Variants in TENM4 observed in about 807,000 individuals in gnomAD.
The protein encoded by TENM4 is teneurin transmembrane protein 4.
A neutral mutation model predicts 243.3 loss-of-function variants in TENM4; 82 were observed. The ratio of observed to expected loss-of-function variants is 0.34; its 90% confidence interval spans 0.28 to 0.40. The LOEUF (loss-of-function observed/expected upper bound fraction) is 0.40. Among genes scored for constraint, TENM4 ranks in the 10% least tolerant of loss-of-function variants. The probability of loss-of-function intolerance (pLI) is 1.00; values close to 1 mark genes in which losing one functional copy is unlikely to be tolerated. For synonymous variants in TENM4, 1,412 were observed against 1,456.3 expected, an observed-to-expected ratio of 0.97 and a Z score of 0.69; for missense variants, 3,138 against 3,673.3, an observed-to-expected ratio of 0.85 and a Z score of 3.77.
At chr11:79,175,776 A>C (rs1307838236) in intron 3 of TENM4, among the ~76,000 whole-genome samples, 1 of 152,204 alleles carries the variant, frequency 6.6e-6, no homozygotes, top group Non-Finnish European at 1.5e-5. Flanking sequence ...TGATGAGGAA[A>C]TATCACAATA....
chr11:79,018,055 G>C (rs1020013498), intron 6 of TENM4, among the ~76,000 whole-genome samples: 1 of 152,180 alleles, frequency 6.6e-6, no homozygotes, highest in African/African-American at 2.4e-5. Flanking sequence ...TCAAGCTGGG[G>C]AGGAGGGCTG....
At chr11:79,050,862 C>T (rs1446793828) in intron 6 of TENM4, among the ~76,000 whole-genome samples, 1 of 152,160 alleles carries the variant, frequency 6.6e-6, no homozygotes, top group Non-Finnish European at 1.5e-5. Context: ...GAGAAAGTGG[C>T]CTGAAGAAAA....
At chr11:78,763,578 A>T (rs1856477975) in intron 18 of TENM4, among the ~76,000 whole-genome samples, 1 of 152,170 alleles carries the variant, frequency 6.6e-6, no homozygotes, top group Non-Finnish European at 1.5e-5. Context: ...TCTCACTGAG[A>T]TCCCTCTTTG....
At chr11:79,366,624 A>G (rs932038593) in intron 1 of TENM4, among the ~76,000 whole-genome samples, 1 of 152,200 alleles carries the variant, frequency 6.6e-6, no homozygotes, top group African/African-American at 2.4e-5. Context: ...CTCTTTGGGC[A>G]CTAACATTAG....
At chr11:79,433,047 G>A (rs563928408) in intron 1 of TENM4, among the ~76,000 whole-genome samples, 1 of 152,196 alleles carries the variant, frequency 6.6e-6, no homozygotes, top group South Asian at 2.1e-4. Flanking sequence ...CACTGTTTGT[G>A]GAAATAAAGA....
chr11:78,746,007 C>A (rs1468074241), intron 19 of TENM4, among the ~76,000 whole-genome samples: 1 of 152,124 alleles, frequency 6.6e-6, no homozygotes, highest in South Asian at 2.1e-4. Context: ...AGCTGGAGTG[C>A]AGTGGCATGA....
At chr11:78,934,712 A>G (rs889003142) in intron 6 of TENM4, among the ~76,000 whole-genome samples, 1 of 152,206 alleles carries the variant, frequency 6.6e-6, no homozygotes, top group Non-Finnish European at 1.5e-5. Context: ...CTGCTTTTAT[A>G]TTAGTTCATA....
At chr11:79,011,134 T>C (rs1156306389) in intron 6 of TENM4, among the ~76,000 whole-genome samples, 2 of 152,210 alleles carry the variant, frequency 1.3e-5, no homozygotes, top group African/African-American at 4.8e-5. Context: ...ATGTATGCTT[T>C]AGAAAAGGAA....
At chr11:79,062,022 T>G (rs1274582654) in intron 6 of TENM4, among the ~76,000 whole-genome samples, 4 of 150,136 alleles carry the variant, frequency 2.7e-5, no homozygotes, top group African/African-American at 9.8e-5. Context: ...AGTGCAGTGG[T>G]GCAATCTTGG....
At chr11:78,964,882 AT>A (rs971985713) in intron 6 of TENM4, among the ~76,000 whole-genome samples, 3 of 151,206 alleles carry the variant, frequency 2.0e-5, no homozygotes, top group East Asian at 1.9e-4. Context: ...GTAATTTTTA[AT>A]TTTTTTTTGA....
At chr11:79,007,444 C>T (rs1179956127) in intron 6 of TENM4, among the ~76,000 whole-genome samples, 1 of 152,150 alleles carries the variant, frequency 6.6e-6, no homozygotes, top group Non-Finnish European at 1.5e-5. Flanking sequence ...GTGTAGAACA[C>T]AGGCCTCTTG....
chr11:79,362,802 G>A (rs1029600364), intron 1 of TENM4, among the ~76,000 whole-genome samples: 1 of 152,254 alleles, frequency 6.6e-6, no homozygotes, highest in Admixed American at 6.5e-5. Flanking sequence ...CCATGGGAGT[G>A]TTGGAGGATT....
chr11:78,844,988 T>G (rs1207264513), intron 12 of TENM4, among the ~76,000 whole-genome samples: 1 of 152,192 alleles, frequency 6.6e-6, no homozygotes, highest in African/African-American at 2.4e-5. Flanking sequence ...AATAATTATT[T>G]GTACACTGCT....
chr11:78,776,427 G>A (rs918183874), intron 17 of TENM4, among the ~76,000 whole-genome samples: 1 of 152,080 alleles, frequency 6.6e-6, no homozygotes, highest in Non-Finnish European at 1.5e-5. Context: ...TTGAGAGCAG[G>A]GACCATATCT....
chr11:79,037,011 A>G (rs1189080329), intron 6 of TENM4, among the ~76,000 whole-genome samples: 2 of 89,946 alleles, frequency 2.2e-5, no homozygotes, highest in Admixed American at 3.1e-4. Flanking sequence ...ACAAGACTCC[A>G]TCTCAAAAAA....
chr11:79,100,149 G>A (rs1161334162), intron 4 of TENM4, among the ~76,000 whole-genome samples: 1 of 152,074 alleles, frequency 6.6e-6, no homozygotes, highest in Non-Finnish European at 1.5e-5. Context: ...CAAATCATAG[G>A]GTTTCCGTAA....
chr11:78,978,394 A>T (rs1249846896), intron 6 of TENM4, among the ~76,000 whole-genome samples: 1 of 149,654 alleles, frequency 6.7e-6, no homozygotes, highest in East Asian at 1.9e-4. Context: ...AGAAAAGAAA[A>T]GAAAAGGAGC....
intron 3 of TENM4, among the ~76,000 whole-genome samples, chr11:79,188,661 T>G (rs1590778228): frequency 9.6e-5 from 12 of 125,276 alleles, no homozygotes; most frequent in East Asian, 4.6e-4. Flanking sequence ...AGAAGAGAAG[T>G]GAGGATGGGG....
chr11:78,960,310 T>C (rs1261065158), intron 6 of TENM4, among the ~76,000 whole-genome samples: 3 of 150,578 alleles, frequency 2.0e-5, no homozygotes, highest in Non-Finnish European at 4.4e-5. Flanking sequence ...GAATGCAGGG[T>C]GTAAAATCCT....
Sources: allele counts gnomAD v4.1 joint callset (sites outside exome capture counted in the v4.1 genomes callset), GRCh38; gene constraint gnomAD v4.1.1; transcripts MANE v1.5; gene names NCBI Gene and HGNC (gene_info 2026-07-23, HGNC 2026-07-21).